C3orf49: variants seen among roughly 807,000 people sequenced by gnomAD.
The protein encoded by C3orf49 is chromosome 3 open reading frame 49.
C3orf49 carries 27 observed loss-of-function variants against 13.3 expected under a neutral mutation model. That is an observed-to-expected ratio of 2.02 (90% CI 1.49 to 2.79). The LOEUF is 2.79. Among genes scored for constraint, C3orf49 ranks in the 30% most tolerant of loss-of-function variants. The pLI is 0.00. For missense variants in C3orf49, 242 were observed against 134.2 expected (o/e 1.80, Z -3.97); for synonymous variants, 87 against 47.6 (o/e 1.83, Z -3.40).
At chr3:63,840,556 A>C (rs1439664711) in intron 5 of C3orf49, among the ~76,000 whole-genome samples, 1 of 152,172 alleles carries the variant, frequency 6.6e-6, no homozygotes, top group Non-Finnish European at 1.5e-5. Context: ...TCACCACTGG[A>C]CTCCAGCGCC....
chr3:63,834,605 A>G (rs1701590192), intron 5 of C3orf49, among the ~76,000 whole-genome samples: 1 of 151,904 alleles, frequency 6.6e-6, no homozygotes, highest in South Asian at 2.1e-4. Flanking sequence ...GATTGCAGTG[A>G]GCCAAGATTG....
chr3:63,835,451 G>A (rs2107116185), intron 5 of C3orf49: 1 of 1,481,346 alleles, frequency 6.8e-7, no homozygotes, highest in Non-Finnish European at 9.3e-7. Flanking sequence ...TACAATTAAT[G>A]CCTAACTTTT....
intron 3 of C3orf49, among the ~76,000 whole-genome samples, chr3:63,830,565 T>G (rs555730386): frequency 6.6e-6 from 1 of 152,130 alleles, no homozygotes; most frequent in East Asian, 1.9e-4. Flanking sequence ...GGGAATGATT[T>G]CCAATTGCAA....
At chr3:63,804,827 CCTGTGT>C in the C3orf49 span, among the ~76,000 whole-genome samples, 45 of 152,228 alleles carry the variant, frequency 3.0e-4, no homozygotes, top group African/African-American at 1.0e-3. Context: ...CAAGGAATTC[CCTGTGT>C]CTCAGTAGAT....
chr3:63,794,383 C>T, the C3orf49 span, among the ~76,000 whole-genome samples: 142 of 152,046 alleles, frequency 9.3e-4, 1 homozygote, highest in Non-Finnish European at 1.2e-4. Context: ...TATTCATTTT[C>T]TCCTCTCTAT....
chr3:63,845,212 G>C (rs1019751055), intron 6 of C3orf49, 130 bp downstream of exon 6: 12 of 473,504 alleles, frequency 2.5e-5, no homozygotes, highest in Non-Finnish European at 4.2e-5. Flanking sequence ...TTTGGCTTTG[G>C]GGGTATCAAG....
chr3:63,844,792 T>A (rs1701850556), intron 5 of C3orf49, among the ~76,000 whole-genome samples: 1 of 152,234 alleles, frequency 6.6e-6, no homozygotes, highest in Non-Finnish European at 1.5e-5. Context: ...ATCTTGAATT[T>A]CCCACCCTCT....
chr3:63,815,645 T>C (rs1701315429), upstream of C3orf49, among the ~76,000 whole-genome samples: 2 of 152,308 alleles, frequency 1.3e-5, no homozygotes, highest in South Asian at 4.1e-4. Flanking sequence ...ACATTAAATG[T>C]CTCACTTCAA....
rs529202566 is a variant in C3orf49, at chr3:63,822,218, G to A, written c.126-1032G>A. Among the ~76,000 whole-genome samples, 16 of 152,202 alleles carry A rather than the reference G, an allele frequency of 1.1e-4. 1 individual carries two copies. In the East Asian group the frequency reaches 1.4e-3, roughly 13 times the overall value. On this transcript the variant is annotated intron_variant, in intron 1 of 6. Coordinates refer to ENST00000295896, the MANE Select transcript of C3orf49 (RefSeq NM_001355236.2). ...TCTCGATCTCCTGACCTCGTGATCC[G>A]CCTGCTTCGGCCTCCCAAAGTGCTG...
chr3:63,788,374 G>T, the C3orf49 span, among the ~76,000 whole-genome samples: 2 of 152,128 alleles, frequency 1.3e-5, no homozygotes, highest in Non-Finnish European at 2.9e-5. Context: ...CTACATTCCT[G>T]GGAGAAATAC....
upstream of C3orf49, among the ~76,000 whole-genome samples, chr3:63,817,305 A>T (rs1348524676): frequency 6.6e-6 from 1 of 152,004 alleles, no homozygotes; most frequent in Non-Finnish European, 1.5e-5. Context: ...CATAACATTT[A>T]CTACCAGCTG....
the C3orf49 span, among the ~76,000 whole-genome samples, chr3:63,805,934 A>G: frequency 6.6e-6 from 1 of 152,074 alleles, no homozygotes; most frequent in Non-Finnish European, 1.5e-5. Flanking sequence ...GTCTTTTTTC[A>G]TTTGTTTTGG....
At chr3:63,830,730 C>G (rs1332351983) in intron 3 of C3orf49, among the ~76,000 whole-genome samples, 1 of 152,220 alleles carries the variant, frequency 6.6e-6, no homozygotes, top group Non-Finnish European at 1.5e-5. Context: ...AAATTAACAA[C>G]TAGATCCACG....
At chr3:63,793,813 T>A in the C3orf49 span, among the ~76,000 whole-genome samples, 2 of 152,130 alleles carry the variant, frequency 1.3e-5, no homozygotes, top group Non-Finnish European at 2.9e-5. Flanking sequence ...TTTCCTTCAC[T>A]GTTAAAGCCC....
chr3:63,829,663 A>G (rs1467847552), intron 3 of C3orf49, among the ~76,000 whole-genome samples: 1 of 152,174 alleles, frequency 6.6e-6, no homozygotes, highest in Non-Finnish European at 1.5e-5. Flanking sequence ...AATGTTCTCA[A>G]AAATATATTT....
intron 5 of C3orf49, among the ~76,000 whole-genome samples, chr3:63,834,671 AG>A (rs1463390838): frequency 1.3e-5 from 2 of 151,770 alleles, no homozygotes; most frequent in Non-Finnish European, 2.9e-5. Flanking sequence ...AAAAAAAAAA[AG>A]AAAAGAAAAA....
chr3:63,822,125 G>A lies in C3orf49; in HGVS notation c.126-1125G>A, dbSNP rs564574556. On this transcript the variant is annotated intron_variant, in intron 1 of 6. Transcript: ENST00000295896. ...CAAGTAGCTGGGACTACAGGCGCCC[G>A]CCACCACGCCTAACTAATGTTTTGT... 5.3e-5 allele frequency among the ~76,000 whole-genome samples: 8 copies of A among 152,184 alleles called. No homozygotes were observed. The South Asian group carries it at 1.2e-3, about 24-fold the overall frequency.
chr3:63,782,054 C>T, the C3orf49 span, among the ~76,000 whole-genome samples: 1 of 152,148 alleles, frequency 6.6e-6, no homozygotes, highest in East Asian at 1.9e-4. Flanking sequence ...GAACCAGCTT[C>T]TTACTGGTTC....
chr3:63,800,838 G>A, the C3orf49 span, among the ~76,000 whole-genome samples: 1 of 152,142 alleles, frequency 6.6e-6, no homozygotes, highest in Non-Finnish European at 1.5e-5. Context: ...GGCAGTAAGA[G>A]ATCCTTGAGT....
Sources: gnomAD v4.1 joint callset for allele counts (sites outside exome capture counted in the v4.1 genomes callset) on GRCh38, gnomAD v4.1.1 for gene constraint, MANE v1.5 for transcripts, NCBI Gene and HGNC (gene_info 2026-07-23, HGNC 2026-07-21) for gene names.